Variants in RBMS3 observed in about 807,000 individuals in gnomAD.
RBMS3 encodes RNA binding motif single stranded interacting protein 3.
RBMS3 carries 27 observed loss-of-function variants against 66.8 expected under a neutral mutation model. That is an observed-to-expected ratio of 0.40 (90% CI 0.30 to 0.56). RBMS3 has a LOEUF of 0.56. Ranked by LOEUF, RBMS3 falls within the 20% of genes least tolerant of loss-of-function variation. The probability of loss-of-function intolerance (pLI) is 0.40; values close to 1 mark genes in which losing one functional copy is unlikely to be tolerated. For synonymous variants in RBMS3, 188 were observed against 183.0 expected (o/e 1.03, Z -0.22); for missense variants, 513 against 549.5 (o/e 0.93, Z 0.66).
At chr3:29,904,674 TTAGA>T (rs2060333344) in intron 10 of RBMS3, among the ~76,000 whole-genome samples, 1 of 152,068 alleles carries the variant, frequency 6.6e-6, no homozygotes, top group African/African-American at 2.4e-5. Context: ...AAATTGCCTT[TTAGA>T]TAGCAGTTTT....
chr3:29,702,529 A>G (rs567740668), intron 4 of RBMS3, among the ~76,000 whole-genome samples: 3 of 152,300 alleles, frequency 2.0e-5, no homozygotes, highest in South Asian at 2.1e-4. Flanking sequence ...GCTCTTTGCA[A>G]TAAGTCACTG....
intron 6 of RBMS3, among the ~76,000 whole-genome samples, chr3:29,841,084 T>C (rs1053308743): frequency 2.6e-5 from 4 of 151,976 alleles, no homozygotes; most frequent in African/African-American, 9.7e-5. Context: ...GATTTTCCTC[T>C]TTACTAATGA....
intron 2 of RBMS3, among the ~76,000 whole-genome samples, chr3:29,479,821 C>G (rs891527294): frequency 6.6e-6 from 1 of 152,018 alleles, no homozygotes; most frequent in Non-Finnish European, 1.5e-5. Flanking sequence ...AAATCAAGGT[C>G]TTTCAAAAAA....
chr3:29,856,843 A>T (rs1448340498), intron 6 of RBMS3, among the ~76,000 whole-genome samples: 1 of 152,158 alleles, frequency 6.6e-6, no homozygotes, highest in Non-Finnish European at 1.5e-5. Context: ...TTATCCATAG[A>T]TGTTTACAGC....
At chr3:29,852,038 T>A (rs150704130) in intron 6 of RBMS3, among the ~76,000 whole-genome samples, 2 of 152,216 alleles carry the variant, frequency 1.3e-5, no homozygotes, top group African/African-American at 4.8e-5. Flanking sequence ...CTTACAACTA[T>A]CTAATCTTCA....
intron 1 of RBMS3, among the ~76,000 whole-genome samples, chr3:29,381,693 C>T (rs909205698): frequency 3.3e-5 from 5 of 152,166 alleles, no homozygotes; most frequent in Non-Finnish European, 7.4e-5. Flanking sequence ...ATCATATCTG[C>T]CCCTGCCCTA....
chr3:29,460,697 T>A (rs2042342864), intron 2 of RBMS3, among the ~76,000 whole-genome samples: 1 of 152,246 alleles, frequency 6.6e-6, no homozygotes, highest in African/African-American at 2.4e-5. Context: ...GCTTAATTTC[T>A]TTTGTATTTT....
intron 3 of RBMS3, among the ~76,000 whole-genome samples, chr3:29,530,273 C>T (rs956115665): frequency 6.6e-6 from 1 of 152,148 alleles, no homozygotes; most frequent in Admixed American, 6.5e-5. Flanking sequence ...CTGACAACAG[C>T]TGAAACAGCA....
At chr3:29,647,120 G>A (rs529966568) in intron 4 of RBMS3, among the ~76,000 whole-genome samples, 1 of 152,200 alleles carries the variant, frequency 6.6e-6, no homozygotes, top group South Asian at 2.1e-4. Context: ...TGGGACTACA[G>A]GCGCGTACCA....
At chr3:29,505,792 T>A (rs1190989832) in intron 3 of RBMS3, among the ~76,000 whole-genome samples, 4 of 151,756 alleles carry the variant, frequency 2.6e-5, no homozygotes, top group Non-Finnish European at 5.9e-5. Flanking sequence ...AGGCCTTTCA[T>A]CTCCTTGGTT....
At chr3:29,468,871 A>G (rs558293991) in intron 2 of RBMS3, among the ~76,000 whole-genome samples, 2 of 152,146 alleles carry the variant, frequency 1.3e-5, no homozygotes, top group Non-Finnish European at 2.9e-5. Context: ...AAGTGTTTGA[A>G]AATGAGGATG....
chr3:29,713,681 T>A (rs2053267583), intron 4 of RBMS3, among the ~76,000 whole-genome samples: 1 of 152,214 alleles, frequency 6.6e-6, no homozygotes, highest in Non-Finnish European at 1.5e-5. Flanking sequence ...CATTCTCATA[T>A]ACAGTGTCTC....
chr3:29,685,562 C>T (rs1347463979), intron 4 of RBMS3, among the ~76,000 whole-genome samples: 1 of 152,076 alleles, frequency 6.6e-6, no homozygotes, highest in Non-Finnish European at 1.5e-5. Flanking sequence ...AAACAAGTTC[C>T]GGTTTCCTCC....
intron 1 of RBMS3, among the ~76,000 whole-genome samples, chr3:29,431,324 C>T (rs1255960528): frequency 3.5e-5 from 4 of 113,578 alleles, no homozygotes; most frequent in African/African-American, 7.2e-5. Context: ...GACAGAGTCT[C>T]ACTCTGTCGC....
chr3:29,985,515 A>G (rs1698320057), intron 12 of RBMS3, among the ~76,000 whole-genome samples: 1 of 152,112 alleles, frequency 6.6e-6, no homozygotes, highest in African/African-American at 2.4e-5. Flanking sequence ...GCCAGTTGTG[A>G]AGACTGTGAG....
At chr3:29,482,218 G>A (rs1039625980) in intron 2 of RBMS3, among the ~76,000 whole-genome samples, 6 of 152,208 alleles carry the variant, frequency 3.9e-5, no homozygotes, top group South Asian at 4.2e-4. Context: ...ATAAACTTTC[G>A]CTAAGGTGAC....
intron 3 of RBMS3, among the ~76,000 whole-genome samples, chr3:29,491,863 G>T (rs970092178): frequency 6.6e-6 from 1 of 152,060 alleles, no homozygotes; most frequent in Non-Finnish European, 1.5e-5. Flanking sequence ...CGTGGTGGCG[G>T]GTGCCTGTAG....
chr3:29,378,394 A>T (rs1219532925), intron 1 of RBMS3, among the ~76,000 whole-genome samples: 1 of 151,268 alleles, frequency 6.6e-6, no homozygotes, highest in Admixed American at 6.6e-5. Flanking sequence ...ATGGCATGAA[A>T]CCCGGAGGCG....
intron 4 of RBMS3, among the ~76,000 whole-genome samples, chr3:29,628,337 GA>G (rs2049146594): frequency 6.6e-6 from 1 of 152,172 alleles, no homozygotes; most frequent in Admixed American, 6.6e-5. Context: ...GGGAGGGATA[GA>G]GGCTTTCCTC....
Sources: gnomAD v4.1 joint callset for allele counts (sites outside exome capture counted in the v4.1 genomes callset) on GRCh38, gnomAD v4.1.1 for gene constraint, MANE v1.5 for transcripts, NCBI Gene and HGNC (gene_info 2026-07-23, HGNC 2026-07-21) for gene names.